HECW2: variants seen among roughly 807,000 people sequenced by gnomAD.
HECW2 encodes the protein HECT, C2 and WW domain containing E3 ubiquitin protein ligase 2, also known as E3 ubiquitin-protein ligase HECW2.
HECW2 carries 61 observed loss-of-function variants against 175.2 expected under a neutral mutation model. That is an observed-to-expected ratio of 0.35 (90% CI 0.28 to 0.43). The LOEUF (loss-of-function observed/expected upper bound fraction) is 0.43. HECW2 is among the 20% of genes least tolerant of loss of function. HECW2 has a pLI of 1.00. For missense variants in HECW2, 1,524 were observed against 2,000.5 expected (o/e 0.76, Z 4.54); for synonymous variants, 671 against 731.0 (o/e 0.92, Z 1.32).
intron 2 of HECW2, among the ~76,000 whole-genome samples, chr2:196,376,716 C>G (rs1031952181): frequency 1.1e-4 from 17 of 149,948 alleles, no homozygotes; most frequent in African/African-American, 4.2e-4. Context: ...GCGGATCAAC[C>G]TGAGGTCAGG....
chr2:196,585,483 A>G (rs926380381), intron 1 of HECW2, among the ~76,000 whole-genome samples: 1 of 152,236 alleles, frequency 6.6e-6, no homozygotes, highest in South Asian at 2.1e-4. Flanking sequence ...ATTTAAATGC[A>G]TGCTATAGCT....
chr2:196,383,055 G>A (rs1177685875), intron 2 of HECW2, among the ~76,000 whole-genome samples: 1 of 152,172 alleles, frequency 6.6e-6, no homozygotes, highest in Non-Finnish European at 1.5e-5. Context: ...GTGGTTCAAG[G>A]TAGGAGAAAG....
intron 19 of HECW2, among the ~76,000 whole-genome samples, chr2:196,248,597 G>GACACAAACACACACACACAC (rs1553636702): frequency 6.9e-6 from 1 of 143,922 alleles, no homozygotes; most frequent in Admixed American, 7.0e-5. Context: ...GAGACAGACA[G>GACACAAACACACACACACAC]ACACACACAC....
At chr2:196,310,168 A>G (rs1170594014) in intron 10 of HECW2, among the ~76,000 whole-genome samples, 1 of 152,260 alleles carries the variant, frequency 6.6e-6, no homozygotes, top group Non-Finnish European at 1.5e-5. Context: ...TACAAAGGCC[A>G]GTAATAGCCT....
At position 196,278,509 on chromosome 2, in the gene HECW2, C is replaced by G; in HGVS notation, c.3135+19G>C. On this transcript the variant is annotated intron_variant, in intron 15 of 28. Transcript: ENST00000644978. ...GCTTCTATCAACCAACAGGTCAGTC[C>G]CCAAAACGCATGACTCACCTCACCC... The G allele has an allele frequency of 6.2e-7, 1 of 1,611,814 alleles. No homozygotes were observed. The highest frequency in any genetic ancestry group is 2.2e-5 in the East Asian group (1 of 44,806).
At chr2:196,379,043 A>C (rs532494649) in intron 2 of HECW2, among the ~76,000 whole-genome samples, 144 of 151,732 alleles carry the variant, frequency 9.5e-4, no homozygotes, top group African/African-American at 3.4e-3. Context: ...GAAATAAGGG[A>C]GTCAGTGGAA....
At chr2:196,220,377 A>G (rs1424619574) in intron 25 of HECW2, among the ~76,000 whole-genome samples, 1 of 152,212 alleles carries the variant, frequency 6.6e-6, no homozygotes. Flanking sequence ...TTGATTGCTG[A>G]TTAATCTAGG....
chr2:196,294,164 T>C (rs1690716147), intron 13 of HECW2, among the ~76,000 whole-genome samples: 1 of 151,498 alleles, frequency 6.6e-6, no homozygotes, highest in East Asian at 1.9e-4. Context: ...ATTTCTATGA[T>C]ATTTAAAGAA....
intron 9 of HECW2, 141 bp from the exon 10 acceptor site, chr2:196,317,510 AC>A: frequency 4.6e-6 from 3 of 656,016 alleles, no homozygotes; most frequent in Non-Finnish European, 8.1e-6. Context: ...GGACCTAGAA[AC>A]AAAAGAAGAG....
intron 1 of HECW2, among the ~76,000 whole-genome samples, chr2:196,590,120 T>C (rs1691132363): frequency 6.6e-6 from 1 of 152,062 alleles, no homozygotes; most frequent in Admixed American, 6.6e-5. Context: ...ATGAAAAAAA[T>C]TCAGGATTCC....
rs761816597 is a variant in HECW2 at position 196,217,024 on chromosome 2, C to A, written c.4478G>T (p.Arg1493Leu). Residue 1493 changes from arginine (R) to leucine (L), a missense_variant, in exon 27 of 29, where the codon CGA becomes CTA. This residue lies in a region of HECW2 where 134 missense variants were observed against 287.8 expected (regional missense o/e 0.47). Transcript: ENST00000644978. ...AAVERFNNEQ[R>L]LRLLQFVTGT... ...GCATCTCACCTGTAACAACCTTAGTCGTTGTTCATTGTTGAATCTTTCCAC... is the reference window on the plus strand; with the variant it reads ...GCATCTCACCTGTAACAACCTTAGTAGTTGTTCATTGTTGAATCTTTCCAC... 1 of 1,528,736 alleles carries A rather than the reference C, an allele frequency of 6.5e-7. No homozygotes were observed. The highest frequency in any genetic ancestry group is 8.7e-7 in the Non-Finnish European group (1 of 1,145,104). 94.7% of individuals were successfully genotyped at this position (1,528,736 alleles called of 1,614,324 possible).
chr2:196,397,483 G>A (rs1240779092), intron 2 of HECW2, among the ~76,000 whole-genome samples: 1 of 152,128 alleles, frequency 6.6e-6, no homozygotes, highest in Non-Finnish European at 1.5e-5. Flanking sequence ...AATTCTTTTT[G>A]GGGTGAAGGC....
At position 196,242,153 on chromosome 2, in the gene HECW2, T is replaced by TCGAAATCC; in HGVS notation, c.3573_3580dup (p.Glu1194GlyfsTer7). The TCGAAATCC allele has an allele frequency of 6.2e-7, 1 of 1,614,196 alleles. No homozygotes were observed. The highest frequency in any genetic ancestry group is 8.5e-7 in the Non-Finnish European group (1 of 1,180,030). On this transcript the variant is annotated frameshift_variant, in exon 20 of 29. Transcript: ENST00000644978. LOFTEE classifies it high-confidence loss of function. ...CCTGTAAAAGTTCCTCAGTTTGGCT[T>TCGAAATCC]CGAAATCCCGCTTGTAAGGGGCTGG...
At chr2:196,343,627 T>C (rs752176144) in intron 3 of HECW2, 30 bp downstream of exon 3, 5 of 1,359,890 alleles carry the variant, frequency 3.7e-6, no homozygotes, top group African/African-American at 1.4e-5. Flanking sequence ...TGTTCAATAA[T>C]AAGTTTATAT....
intron 1 of HECW2, among the ~76,000 whole-genome samples, chr2:196,521,240 C>T (rs1327661386): frequency 7.6e-6 from 1 of 131,884 alleles, no homozygotes; most frequent in Admixed American, 8.8e-5. Flanking sequence ...CTCTATCCTG[C>T]AGTCTTTCTT....
In HECW2 at chr2:196,319,779, G is replaced by C; in HGVS notation, c.1111C>G (p.Pro371Ala). The change falls in exon 9 of 29, where the codon CCA becomes GCA. Residue 371 changes from proline to alanine, a missense_variant. Pro to Ala is a conservative substitution (Grantham distance 27). Around this residue, in one of 11 missense-constraint regions of HECW2, gnomAD observed 604 missense variants for 588.3 expected, o/e 1.03. Coordinates refer to ENST00000644978, the MANE Select transcript of HECW2 (RefSeq NM_001348768.2). The stretch of plus-strand genomic sequence containing the variant: ...TCGGCAGCACTGTCCTCAGAAACTG[G>C]CCCATTAGAGCACACCTGGCTGTCG... ...HHDSQVCSNG[P>A]VSEDSAADGT... is the part of the protein sequence containing the mutation. 6.2e-7 allele frequency: 1 copy of C among 1,614,176 alleles called. No homozygotes were observed.
chr2:196,499,216 G>C lies in HECW2; in HGVS notation c.-35-65758C>G, dbSNP rs562969051. ...GGCAGTAGGCAAGAAGAACCCATTG[G>C]GCTGTAACATGATTACTTCTTACAA... On this transcript the variant is annotated intron_variant, in intron 1 of 28. Coordinates refer to ENST00000644978, the MANE Select transcript of HECW2 (RefSeq NM_001348768.2). 2.0e-5 allele frequency among the ~76,000 whole-genome samples: 3 copies of C among 151,882 alleles called. No homozygotes were observed. The East Asian group carries it at 5.8e-4, about 29-fold the overall frequency.
At chr2:196,412,160 G>A (rs1450058738) in intron 2 of HECW2, among the ~76,000 whole-genome samples, 1 of 152,150 alleles carries the variant, frequency 6.6e-6, no homozygotes, top group Non-Finnish European at 1.5e-5. Context: ...CCACAAACTG[G>A]TTAGCTTAAA....
chr2:196,320,607 A>G (rs1278025412), intron 7 of HECW2, among the ~76,000 whole-genome samples, 168 bp from the exon 8 acceptor site: 1 of 152,260 alleles, frequency 6.6e-6, no homozygotes, highest in Non-Finnish European at 1.5e-5. Context: ...TTATTCATTC[A>G]TACAAATGGA....
Sources: gnomAD v4.1 joint callset for allele counts (sites outside exome capture counted in the v4.1 genomes callset) on GRCh38, gnomAD v4.1.1 for gene constraint, gnomAD v4.1.1 regional missense constraint, MANE v1.5 for transcripts, NCBI Gene and HGNC (gene_info 2026-07-23, HGNC 2026-07-21) for gene names.